LINGO1: variants seen among roughly 807,000 people sequenced by gnomAD.
LINGO1 encodes the protein leucine rich repeat and Ig domain containing 1.
LINGO1 carries 11 observed loss-of-function variants against 37.3 expected under a neutral mutation model. The observed-to-expected ratio is 0.29, with a 90% CI of 0.19 to 0.49. The LOEUF (loss-of-function observed/expected upper bound fraction) is 0.49, where lower values mean the gene tolerates loss of function less well. LINGO1 is among the 20% of genes least tolerant of loss of function. LINGO1 has a pLI of 0.99. For synonymous variants in LINGO1, 387 were observed against 403.0 expected (o/e 0.96, Z 0.48); for missense variants, 585 against 878.2 (o/e 0.67, Z 4.22).
intron 2 of LINGO1, among the ~76,000 whole-genome samples, chr15:77,726,427 AG>A: frequency 6.6e-6 from 1 of 152,252 alleles, no homozygotes; most frequent in Non-Finnish European, 1.5e-5. Context: ...AGGCATCATC[AG>A]GAAGAAGGAG....
chr15:77,615,676 G>T lies in LINGO1; in HGVS notation c.231C>A (p.Asp77Glu). 6.2e-7 allele frequency: 1 copy of T among 1,607,380 alleles called. No homozygotes were observed. ...EGIPTETRLL[D>E]LGKNRIKTLN... ...GCGTTTTGATGCGGTTCTTGCCTAG[G>T]TCCAGCAGGCGCGTCTCGGTGGGGA... The change falls in exon 2 of 2, where the codon GAC becomes GAA. Residue 77 changes from aspartate to glutamate, a missense_variant. By Grantham distance (45) the Asp-to-Glu change is conservative (BLOSUM62 2). Around this residue, in one of 4 missense-constraint regions of LINGO1, gnomAD observed 484 missense variants for 735.0 expected, o/e 0.66. Coordinates refer to ENST00000355300, the MANE Select transcript of LINGO1 (RefSeq NM_032808.7).
chr15:77,791,478 T>C (rs1303708749), upstream of LINGO1, among the ~76,000 whole-genome samples: 3 of 151,196 alleles, frequency 2.0e-5, no homozygotes, highest in African/African-American at 7.3e-5. Flanking sequence ...GCCTGGTGTG[T>C]GGGGGATGGA....
At chr15:77,664,096 C>A (rs1395560108) in intron 3 of LINGO1, among the ~76,000 whole-genome samples, 4 of 151,798 alleles carry the variant, frequency 2.6e-5, no homozygotes, top group Non-Finnish European at 5.9e-5. Context: ...ACCCAGATTT[C>A]TCTCTCCCTT....
chr15:77,804,808 C>A (rs141163258), intron 1 of LINGO1, among the ~76,000 whole-genome samples: 1 of 152,206 alleles, frequency 6.6e-6, no homozygotes, highest in East Asian at 1.9e-4. Flanking sequence ...GCCTGCAGAG[C>A]CCCAGGTCCC....
intron 1 of LINGO1, among the ~76,000 whole-genome samples, chr15:77,628,313 A>G (rs1317459811): frequency 2.6e-5 from 4 of 152,206 alleles, no homozygotes; most frequent in Non-Finnish European, 4.4e-5. Flanking sequence ...CTAAATGTCC[A>G]TTGGTAGGAG....
At chr15:77,787,531 G>A (rs1012001773), upstream of LINGO1, among the ~76,000 whole-genome samples, 8 of 151,396 alleles carry the variant, frequency 5.3e-5, no homozygotes, top group African/African-American at 1.2e-4. Context: ...CCACGCATGC[G>A]GCTCAGGCTG....
chr15:77,657,027 C>T (rs1827709827), intron 3 of LINGO1, among the ~76,000 whole-genome samples: 1 of 152,208 alleles, frequency 6.6e-6, no homozygotes, highest in African/African-American at 2.4e-5. Flanking sequence ...TCCCCGTGCC[C>T]ACCCAGGGCA....
chr15:77,754,415 G>A (rs1567564782), intron 1 of LINGO1, among the ~76,000 whole-genome samples: 1 of 152,178 alleles, frequency 6.6e-6, no homozygotes, highest in Non-Finnish European at 1.5e-5. Context: ...GTCCGCTTCT[G>A]AATAATTTCT....
At chr15:77,737,097 GT>G (rs2076211104) in intron 1 of LINGO1, among the ~76,000 whole-genome samples, 1 of 152,234 alleles carries the variant, frequency 6.6e-6, no homozygotes, top group South Asian at 2.1e-4. Context: ...GAACACATGT[GT>G]AAGTATTTCT....
chr15:77,801,152 C>G (rs2076914990), intron 1 of LINGO1, among the ~76,000 whole-genome samples: 1 of 152,184 alleles, frequency 6.6e-6, no homozygotes, highest in African/African-American at 2.4e-5. Context: ...CCTAGTAATT[C>G]CACTTCTGGG....
intron 1 of LINGO1, among the ~76,000 whole-genome samples, chr15:77,630,896 C>T (rs1023404616): frequency 6.6e-6 from 1 of 152,210 alleles, no homozygotes; most frequent in Non-Finnish European, 1.5e-5. Context: ...CACCCTATAC[C>T]CTCCCTCCCA....
intron 3 of LINGO1, chr15:77,647,871 G>A (rs1567487624): frequency 6.6e-6 from 3 of 456,518 alleles, no homozygotes; most frequent in Non-Finnish European, 4.4e-6. Flanking sequence ...CTGGGCTGCT[G>A]GAGTCACAGA....
At chr15:77,647,014 G>A (rs781537078) in intron 3 of LINGO1, among the ~76,000 whole-genome samples, 151 of 151,942 alleles carry the variant, frequency 9.9e-4, no homozygotes, top group African/African-American at 1.5e-3. Context: ...TCATGGTGAA[G>A]TGAGCAGTGG....
intron 2 of LINGO1, among the ~76,000 whole-genome samples, chr15:77,709,166 T>C (rs752162441): frequency 1.3e-5 from 2 of 152,226 alleles, no homozygotes; most frequent in Non-Finnish European, 2.9e-5. Flanking sequence ...AGGTTTATAG[T>C]AATTTGTTAC....
At chr15:77,807,648 C>T (rs576831688) in intron 1 of LINGO1, among the ~76,000 whole-genome samples, 3 of 151,976 alleles carry the variant, frequency 2.0e-5, no homozygotes, top group East Asian at 1.9e-4. Flanking sequence ...GAACTCAAAA[C>T]GAAAGGTTAG....
intron 2 of LINGO1, among the ~76,000 whole-genome samples, chr15:77,703,883 A>G (rs2075815839): frequency 6.6e-6 from 1 of 152,144 alleles, no homozygotes; most frequent in Non-Finnish European, 1.5e-5. Flanking sequence ...CACAGTCCCC[A>G]GTCTAGGCAG....
At chr15:77,639,805 A>G (rs2074464997) in intron 3 of LINGO1, among the ~76,000 whole-genome samples, 1 of 152,222 alleles carries the variant, frequency 6.6e-6, no homozygotes, top group Admixed American at 6.5e-5. Flanking sequence ...GAAAAGTATT[A>G]AAACACGCAG....
intron 3 of LINGO1, among the ~76,000 whole-genome samples, chr15:77,675,445 G>C (rs1009400040): frequency 6.6e-6 from 1 of 152,218 alleles, no homozygotes; most frequent in Non-Finnish European, 1.5e-5. Context: ...GGATGTAAAA[G>C]GGTGGGGAAG....
chr15:77,733,554 A>G (rs1179178231), intron 2 of LINGO1, among the ~76,000 whole-genome samples: 2 of 152,082 alleles, frequency 1.3e-5, no homozygotes, highest in African/African-American at 4.8e-5. Context: ...AGAGAGACGG[A>G]TAGACCCATG....
Sources: gnomAD v4.1 joint callset for allele counts (sites outside exome capture counted in the v4.1 genomes callset) on GRCh38, gnomAD v4.1.1 for gene constraint, gnomAD v4.1.1 regional missense constraint, MANE v1.5 for transcripts, NCBI Gene and HGNC (gene_info 2026-07-23, HGNC 2026-07-21) for gene names.